LRRC4C: variants seen among roughly 807,000 people sequenced by gnomAD.
LRRC4C encodes leucine-rich repeat-containing protein 4C.
LRRC4C carries 5 observed loss-of-function variants against 33.6 expected under a neutral mutation model. The observed-to-expected ratio is 0.15, with a 90% confidence interval of 0.08 to 0.31. LRRC4C has a LOEUF of 0.31. Among genes scored for constraint, LRRC4C ranks in the 10% least tolerant of loss-of-function variants. The pLI is 1.00. For synonymous variants in LRRC4C, 329 were observed against 302.0 expected, an observed-to-expected ratio of 1.09 and a Z score of -0.93; for missense variants, 560 against 796.7, an observed-to-expected ratio of 0.70 and a Z score of 3.58.
At chr11:40,208,156 A>G (rs1542300) in intron 5 of LRRC4C, among the ~76,000 whole-genome samples, 85,239 of 151,964 alleles carry the variant, frequency 0.56, 24,254 homozygotes, top group Admixed American at 0.63. Flanking sequence ...TATAAAAATG[A>G]ACATGAGTTC....
chr11:41,355,405 C>T (rs1363883713), intron 1 of LRRC4C, among the ~76,000 whole-genome samples: 2 of 151,988 alleles, frequency 1.3e-5, no homozygotes, highest in African/African-American at 4.8e-5. Context: ...ATAAGTGTGT[C>T]GCTATGCAAA....
At chr11:40,266,957 CCACCCACA>C (rs1324456022) in intron 4 of LRRC4C, among the ~76,000 whole-genome samples, 4 of 126,258 alleles carry the variant, frequency 3.2e-5, no homozygotes, top group Admixed American at 2.5e-4. Flanking sequence ...ACCCACCCAC[CCACCCACA>C]CACACACAGT....
chr11:40,667,896 T>A (rs1943899027), intron 2 of LRRC4C, among the ~76,000 whole-genome samples: 1 of 152,224 alleles, frequency 6.6e-6, no homozygotes, highest in Non-Finnish European at 1.5e-5. Flanking sequence ...GACTATGAGA[T>A]AATGTCTGTT....
chr11:40,756,348 C>A (rs147900039), intron 2 of LRRC4C, among the ~76,000 whole-genome samples: 1 of 151,990 alleles, frequency 6.6e-6, no homozygotes, highest in Non-Finnish European at 1.5e-5. Flanking sequence ...TTACATAATC[C>A]GTCGCTTTGC....
At chr11:40,895,137 A>AG (rs1955883035) in intron 2 of LRRC4C, among the ~76,000 whole-genome samples, 1 of 152,146 alleles carries the variant, frequency 6.6e-6, no homozygotes. Context: ...GGAAAAAAAA[A>AG]TGTACTGAAA....
chr11:40,264,529 CTCTG>C (rs1283392709), intron 4 of LRRC4C, among the ~76,000 whole-genome samples: 1 of 152,174 alleles, frequency 6.6e-6, no homozygotes, highest in Admixed American at 6.5e-5. Flanking sequence ...AAGCTGAATT[CTCTG>C]TCTGTTAGAT....
chr11:41,090,355 G>C (rs189497383), intron 1 of LRRC4C, among the ~76,000 whole-genome samples: 1 of 152,040 alleles, frequency 6.6e-6, no homozygotes, highest in Non-Finnish European at 1.5e-5. Context: ...ATGTGTTCTA[G>C]TTTGTTGTTT....
intron 1 of LRRC4C, among the ~76,000 whole-genome samples, chr11:41,242,077 T>G (rs1240579762): frequency 6.6e-6 from 1 of 152,150 alleles, no homozygotes; most frequent in Non-Finnish European, 1.5e-5. Flanking sequence ...AGAAAAGTCA[T>G]TCTAATTTAA....
intron 5 of LRRC4C, among the ~76,000 whole-genome samples, chr11:40,235,830 G>T (rs760611834): frequency 1.3e-5 from 2 of 151,932 alleles, no homozygotes; most frequent in African/African-American, 2.4e-5. Context: ...CAATTCCATG[G>T]ATCTGTTCAT....
chr11:41,266,974 G>A lies in LRRC4C; in HGVS notation c.-496+192457C>T, dbSNP rs182661553. ...ACAACCGTGTTAAGTGCTATACAAG[G>A]CAATATACAAAACTGTCCAGTAAAC... On this transcript the variant is annotated intron_variant, in intron 1 of 6. Transcript: ENST00000528697. Among the ~76,000 whole-genome samples the A allele has an allele frequency of 2.1e-3, 325 of 152,164 alleles. 2 individuals are homozygous for A. Among genetic ancestry groups the A allele is most frequent in the African/African-American group, 7.4e-3 (308 of 41,528 alleles).
intron 4 of LRRC4C, among the ~76,000 whole-genome samples, chr11:40,317,410 T>C (rs1369726360): frequency 2.0e-5 from 3 of 152,068 alleles, no homozygotes; most frequent in Non-Finnish European, 4.4e-5. Context: ...AAGCACAACT[T>C]AGTATCCAGA....
chr11:40,260,655 G>C (rs1233416090), intron 4 of LRRC4C, among the ~76,000 whole-genome samples: 1 of 152,130 alleles, frequency 6.6e-6, no homozygotes, highest in African/African-American at 2.4e-5. Flanking sequence ...AGCTAAGAAA[G>C]GATGAGGACC....
Position 41,108,715 on chromosome 11 carries a change from A to C in LRRC4C, c.-495-174992T>G, listed in dbSNP as rs562445643. The stretch of plus-strand genomic sequence containing the variant: ...TTTGTTTAAATTATCGACCCTTGAC[A>C]AATAGTCCCCATTCTAAAAGATTCT... On this transcript the variant is annotated intron_variant, in intron 1 of 6. Coordinates refer to ENST00000528697, the MANE Select transcript of LRRC4C (RefSeq NM_001258419.2). Among the ~76,000 whole-genome samples the C allele has an allele frequency of 8.5e-5, 13 of 152,260 alleles. No homozygotes were observed. The South Asian group carries it at 1.7e-3, about 19-fold the overall frequency.
chr11:40,989,222 C>T (rs902870959), intron 1 of LRRC4C, among the ~76,000 whole-genome samples: 1 of 152,174 alleles, frequency 6.6e-6, no homozygotes, highest in Non-Finnish European at 1.5e-5. Flanking sequence ...AGGACAGTTT[C>T]ATGAAATATA....
At chr11:41,059,210 G>GTTTTTTTGTTTT (rs1555056806) in intron 1 of LRRC4C, among the ~76,000 whole-genome samples, 1 of 125,196 alleles carries the variant, frequency 8.0e-6, no homozygotes, top group East Asian at 2.6e-4. Flanking sequence ...TAAAATAAAA[G>GTTTTTTTGTTTT]TTTTTTTTTT....
At chr11:40,196,986 T>C (rs2135685100) in intron 5 of LRRC4C, among the ~76,000 whole-genome samples, 1 of 152,314 alleles carries the variant, frequency 6.6e-6, no homozygotes. Flanking sequence ...TAATTCAATA[T>C]CACACTATTG....
intron 2 of LRRC4C, among the ~76,000 whole-genome samples, chr11:40,725,451 T>G (rs1947243051): frequency 6.6e-6 from 1 of 150,684 alleles, no homozygotes; most frequent in South Asian, 2.1e-4. Flanking sequence ...AAGCTTGCAG[T>G]GAGGCAGTGA....
chr11:41,023,790 A>G (rs1026733175), intron 1 of LRRC4C, among the ~76,000 whole-genome samples: 2 of 151,850 alleles, frequency 1.3e-5, no homozygotes, highest in Non-Finnish European at 2.9e-5. Context: ...TATTGTACTT[A>G]TCTTGAGGAC....
Position 40,218,949 on chromosome 11 carries a change from A to T in LRRC4C, c.-96+22570T>A, listed in dbSNP as rs548268637. ...AATCCCTCTGCCAGAAACAATTTTC[A>T]TCTAAATATCTGCAAGGCTAGCTCT... On this transcript the variant is annotated intron_variant, in intron 5 of 6. Coordinates refer to ENST00000528697, the MANE Select transcript of LRRC4C (RefSeq NM_001258419.2). Among the ~76,000 whole-genome samples, 52 of 152,206 alleles carry T rather than the reference A, an allele frequency of 3.4e-4. 1 individual carries two copies. The South Asian group carries it at 0.011, about 32-fold the overall frequency.
Sources: gnomAD v4.1 joint callset for allele counts (sites outside exome capture counted in the v4.1 genomes callset) on GRCh38, gnomAD v4.1.1 for gene constraint, MANE v1.5 for transcripts, NCBI Gene and HGNC (gene_info 2026-07-23, HGNC 2026-07-21) for gene names.